The following MAP3K10 variants were observed in gnomAD, a reference collection of about 807,000 sequenced individuals.
MAP3K10 encodes MKN28 derived nonreceptor_type serine/threonine kinase.
A neutral mutation model predicts 75.0 loss-of-function variants in MAP3K10; 22 were observed. The observed-to-expected ratio is 0.29, with a 90% CI of 0.21 to 0.42. The LOEUF is 0.42. Ranked by LOEUF, MAP3K10 falls within the 10% of genes least tolerant of loss-of-function variation. MAP3K10 has a pLI of 1.00. For synonymous variants in MAP3K10, 599 were observed against 612.9 expected (o/e 0.98, Z 0.34); for missense variants, 1,165 against 1,379.8 (o/e 0.84, Z 2.47).
chr19:40,192,680 C>A lies in MAP3K10; in HGVS notation c.649C>A (p.Pro217Thr). The change falls in exon 1 of 10, where the codon CCC becomes ACC. Residue 217 changes from proline to threonine, a missense_variant. By Grantham distance (38) the Pro-to-Thr change is conservative. Around this residue, in one of 2 missense-constraint regions of MAP3K10, gnomAD observed 575 missense variants for 793.2 expected, o/e 0.72. Coordinates refer to ENST00000253055, the MANE Select transcript of MAP3K10 (RefSeq NM_002446.4). This position sits in a 1 kb window ranked among gnomAD's most constrained non-coding sequence, Gnocchi z 7.1. ...MNYLHNDAPV[P>T]IIHRDLKSIN... is the part of the protein sequence containing the mutation. ...CTACCTACACAATGATGCCCCTGTG[C>A]CCATCATCCACCGGGACCTCAAGTC... 1 of 1,554,590 alleles carries A rather than the reference C, an allele frequency of 6.4e-7. No individual in the cohort carries two copies. Among genetic ancestry groups the A allele is most frequent in the Non-Finnish European group, 8.7e-7 (1 of 1,149,296 alleles).
At chr19:40,210,261 C>G (rs575498471) in intron 6 of MAP3K10, among the ~76,000 whole-genome samples, 3 of 149,464 alleles carry the variant, frequency 2.0e-5, no homozygotes, top group Non-Finnish European at 4.5e-5. Flanking sequence ...AGCGAGACTC[C>G]GTCTCAAAAA....
chr19:40,199,883 G>T (rs1972985438), intron 2 of MAP3K10, among the ~76,000 whole-genome samples: 1 of 152,238 alleles, frequency 6.6e-6, no homozygotes, highest in Non-Finnish European at 1.5e-5. Flanking sequence ...TGGAGGCCGG[G>T]TGCGGTGGCT....
chr19:40,208,345 C>CTTTTTTTTTTTTTTT (rs747110243), intron 5 of MAP3K10, among the ~76,000 whole-genome samples: 251 of 55,774 alleles, frequency 4.5e-3, no homozygotes, highest in Non-Finnish European at 5.3e-3. Context: ...CTCTTTCTTT[C>CTTTTTTTTTTTTTTT]TTTTTTTTTT....
chr19:40,203,902 G>A (rs1003487711), intron 2 of MAP3K10, among the ~76,000 whole-genome samples: 1 of 152,208 alleles, frequency 6.6e-6, no homozygotes, highest in Admixed American at 6.5e-5. Flanking sequence ...CACAAGGGAA[G>A]AGTGTTCTCC....
In MAP3K10 at chr19:40,215,418, G is replaced by A. The variant is rs1172731624; in HGVS notation, c.*126G>A. 20 of 867,012 alleles carry A rather than the reference G, an allele frequency of 2.3e-5. No homozygotes were observed. Among genetic ancestry groups the A allele is most frequent in the South Asian group, 3.5e-5 (2 of 56,916 alleles). 53.7% of individuals were successfully genotyped at this position (867,012 alleles called of 1,614,324 possible). On this transcript the variant is annotated 3_prime_UTR_variant, in exon 10 of 10. Transcript: ENST00000253055. Reference sequence around the variant, plus strand: ...GTTCACTCTATTTATTGGGGAAGGAGGGAGGGGGGGGACACTTAACTTATT... The same window carrying A: ...GTTCACTCTATTTATTGGGGAAGGAAGGAGGGGGGGGACACTTAACTTATT...
chr19:40,214,002 T>TGCCCCCCCCCCCC lies in MAP3K10; in HGVS notation c.2323_2324insGCCCCCCCCCCCC (p.Ser775CysfsTer81). 6.7e-7 allele frequency: 1 copy of TGCCCCCCCCCCCC among 1,493,666 alleles called. No homozygotes were observed. 92.5% of individuals were successfully genotyped at this position (1,493,666 alleles called of 1,614,324 possible). ...TGACGAGGCCGCACCGGCCGCGCCC[T>TGCCCCCCCCCCCC]CCCCACCACCCTCCCCGCCCGCGCC... On this transcript the variant is annotated frameshift_variant, in exon 9 of 10. Transcript: ENST00000253055. LOFTEE classifies it high-confidence loss of function.
At chr19:40,202,342 A>C (rs1973042117) in intron 2 of MAP3K10, among the ~76,000 whole-genome samples, 1 of 152,044 alleles carries the variant, frequency 6.6e-6, no homozygotes, top group African/African-American at 2.4e-5. Flanking sequence ...GCCCGGCCTC[A>C]TTTTCTTACC....
chr19:40,198,044 G>C lies in MAP3K10; in HGVS notation c.683-331G>C, dbSNP rs975477425. On this transcript the variant is annotated intron_variant, in intron 1 of 9. Coordinates refer to ENST00000253055, the MANE Select transcript of MAP3K10 (RefSeq NM_002446.4). The surrounding 1 kb of genome is among the most constrained non-coding windows in gnomAD (Gnocchi z 4.3). ...GATGAGGTCTTGCCATGTTGCACAG[G>C]CTGGTCTCGAACTCCTGGGCTCAAG... Among the ~76,000 whole-genome samples, 1 of 152,184 alleles carries C rather than the reference G, an allele frequency of 6.6e-6. No individual in the cohort carries two copies. Among genetic ancestry groups the C allele is most frequent in the African/African-American group, 2.4e-5 (1 of 41,440 alleles).
intron 5 of MAP3K10, among the ~76,000 whole-genome samples, chr19:40,206,712 C>T (rs1973129577): frequency 1.3e-5 from 2 of 152,244 alleles, no homozygotes; most frequent in Admixed American, 6.5e-5. Context: ...CAGACAACCT[C>T]ACACCATCCC....
In MAP3K10 at chr19:40,213,998, G is replaced by GCCCACCCCCCCCCCCCCCCCCCCC; in HGVS notation, c.2322_2323insACCCCCCCCCCCCCCCCCCCCCCC (p.Pro774_Ser775insThrProProProProProProPro). On this transcript the variant is annotated inframe_insertion, in exon 9 of 10. Transcript: ENST00000253055. The surrounding 1 kb of genome is among the most constrained non-coding windows in gnomAD (Gnocchi z 5.7). Reference sequence around the variant, plus strand: ...ACAGTGACGAGGCCGCACCGGCCGCGCCCTCCCCACCACCCTCCCCGCCCG... The same window carrying GCCCACCCCCCCCCCCCCCCCCCCC: ...ACAGTGACGAGGCCGCACCGGCCGCGCCCACCCCCCCCCCCCCCCCCCCCCCCTCCCCACCACCCTCCCCGCCCG... 2.6e-6 allele frequency: 4 copies of GCCCACCCCCCCCCCCCCCCCCCCC among 1,521,834 alleles called. No homozygotes were observed. The highest frequency in any genetic ancestry group is 1.2e-5 in the South Asian group (1 of 82,374). 94.3% of individuals were successfully genotyped at this position (1,521,834 alleles called of 1,614,324 possible).
intron 9 of MAP3K10, 131 bp downstream of exon 9, chr19:40,214,352 T>C: frequency 8.7e-7 from 1 of 1,144,738 alleles, no homozygotes; most frequent in East Asian, 3.2e-5. Context: ...GGAGGGTCTG[T>C]GTCCCTTTAC....
Position 40,213,392 on chromosome 19 carries a change from C to A in MAP3K10, c.1838-125C>A. On this transcript the variant is annotated intron_variant, in intron 8 of 9. Transcript: ENST00000253055. This position sits in a 1 kb window ranked among gnomAD's most constrained non-coding sequence, Gnocchi z 5.7. ...CTGAGGCTTCTCCTGGAGACAGATT[C>A]AAGAACGATGCTCGTGGGTCTTGGT... 6.8e-7 allele frequency: 1 copy of A among 1,481,354 alleles called. No homozygotes were observed. 91.8% of individuals were successfully genotyped at this position (1,481,354 alleles called of 1,614,324 possible).
At chr19:40,197,758 C>T (rs1401800264) in intron 1 of MAP3K10, among the ~76,000 whole-genome samples, 2 of 152,186 alleles carry the variant, frequency 1.3e-5, no homozygotes, top group Non-Finnish European at 2.9e-5. Context: ...CACGTTCCTC[C>T]CTTCTGCCCC....
chr19:40,209,150 C>T lies in MAP3K10; in HGVS notation c.1483C>T (p.Arg495Trp), dbSNP rs1430392363. 6 of 1,614,182 alleles carry T rather than the reference C, an allele frequency of 3.7e-6. No homozygotes were observed. Among genetic ancestry groups the T allele is most frequent in the East Asian group, 2.2e-5 (1 of 44,882 alleles). Residue 495 changes from arginine to tryptophan, a missense_variant, in exon 6 of 10, where the codon CGG becomes TGG. By Grantham distance (101) the Arg-to-Trp change is moderately radical (BLOSUM62 -3). Around this residue, in one of 2 missense-constraint regions of MAP3K10, gnomAD observed 575 missense variants for 793.2 expected, o/e 0.72. Coordinates refer to ENST00000253055, the MANE Select transcript of MAP3K10 (RefSeq NM_002446.4). ...TVQASPTLDKRKGSDGASPPA... is the reference protein window; with the variant it reads ...TVQASPTLDKWKGSDGASPPA... ...CCAGGCCTCTCCAACTCTGGATAAGCGGAAAGGATCCGATGGGGCCAGCCC... is the reference window on the plus strand; with the variant it reads ...CCAGGCCTCTCCAACTCTGGATAAGTGGAAAGGATCCGATGGGGCCAGCCC...
intron 5 of MAP3K10, among the ~76,000 whole-genome samples, chr19:40,208,345 C>CTCTT: frequency 1.8e-5 from 1 of 55,904 alleles, no homozygotes; most frequent in Non-Finnish European, 3.3e-5. Flanking sequence ...CTCTTTCTTT[C>CTCTT]TTTTTTTTTT....
intron 1 of MAP3K10, among the ~76,000 whole-genome samples, chr19:40,195,471 CTTTTTTTTTTTTTTTTTTT>C (rs61289931): frequency 6.0e-4 from 29 of 48,656 alleles, no homozygotes; most frequent in Admixed American, 7.4e-4. Context: ...CCCGCCCGGC[CTTTTTTTTTTTTTTTTTTT>C]TTTTTTTTTT....
chr19:40,214,829 T>C (rs927179692), intron 9 of MAP3K10, 141 bp from the exon 10 acceptor site: 68 of 607,398 alleles, frequency 1.1e-4, no homozygotes, highest in Non-Finnish European at 2.0e-4. Context: ...ACTGCCACAC[T>C]ACAGATGGAA....
At chr19:40,208,935 A>G (rs1973184509) in intron 5 of MAP3K10, among the ~76,000 whole-genome samples, 168 bp from the exon 6 acceptor site, 1 of 152,184 alleles carries the variant, frequency 6.6e-6, no homozygotes, top group Non-Finnish European at 1.5e-5. Flanking sequence ...TTTTCAGCTG[A>G]TGGTGATGCT....
At chr19:40,202,370 T>C (rs1019720471) in intron 2 of MAP3K10, among the ~76,000 whole-genome samples, 7 of 152,196 alleles carry the variant, frequency 4.6e-5, no homozygotes, top group African/African-American at 1.7e-4. Context: ...TTTTTGTTCC[T>C]GCGCTCCTGT....
Sources: allele counts gnomAD v4.1 joint callset (sites outside exome capture counted in the v4.1 genomes callset), GRCh38; gene constraint gnomAD v4.1.1; regional missense constraint gnomAD v4.1.1; non-coding constraint Gnocchi (gnomAD v3.1); transcripts MANE v1.5; gene names NCBI Gene and HGNC (gene_info 2026-07-23, HGNC 2026-07-21).